The following PUDP variants were observed in gnomAD, a reference collection of about 807,000 sequenced individuals.
PUDP encodes pseudouridine-5'-phosphatase.
In PUDP, 8 loss-of-function variants were observed where a neutral mutation model predicts 9.4. The observed-to-expected ratio is 0.85, with a 90% CI of 0.50 to 1.53. The LOEUF (loss-of-function observed/expected upper bound fraction) is 1.53, where lower values mean the gene tolerates loss of function less well. Among genes scored for constraint, PUDP ranks in the 40% most tolerant of loss-of-function variants. PUDP has a pLI of 0.00. For synonymous variants in PUDP, 99 were observed against 80.7 expected (o/e 1.23, Z -1.22); for missense variants, 188 against 189.7 (o/e 0.99, Z 0.05).
chrX:6,984,993 T>C (rs866266425), intron 1 of PUDP, among the ~76,000 whole-genome samples: 3 of 112,126 alleles, frequency 2.7e-5, no homozygotes, highest in South Asian at 3.7e-4. Context: ...AGTTTTATTA[T>C]GGAAAAGTGC....
chrX:7,122,464 A>G (rs1932370530), intron 1 of PUDP, among the ~76,000 whole-genome samples: 1 of 111,507 alleles, frequency 9.0e-6, no homozygotes, highest in Admixed American at 9.6e-5. Context: ...CGCTTTTCCT[A>G]CATGGATTTT....
At chrX:7,114,696 T>C (rs1932148605) in intron 1 of PUDP, among the ~76,000 whole-genome samples, 2 of 111,936 alleles carry the variant, frequency 1.8e-5, no homozygotes, top group Non-Finnish European at 3.8e-5. Flanking sequence ...TGTGCTCAAG[T>C]GGAGGGCCAC....
At chrX:7,019,531 G>A (rs1220949056) in intron 1 of PUDP, among the ~76,000 whole-genome samples, 1 of 111,539 alleles carries the variant, frequency 9.0e-6, no homozygotes, top group African/African-American at 3.3e-5. Context: ...TGGACAGAGA[G>A]TCTGACATCT....
chrX:6,751,311 G>A (rs1018020171), intron 3 of PUDP, among the ~76,000 whole-genome samples: 9 of 111,796 alleles, frequency 8.1e-5, no homozygotes, highest in Non-Finnish European at 1.5e-4. Flanking sequence ...CAATTCTGGT[G>A]CCCTTCATCA....
At chrX:7,134,540 C>T (rs533267553) in intron 1 of PUDP, among the ~76,000 whole-genome samples, 3 of 112,159 alleles carry the variant, frequency 2.7e-5, no homozygotes, top group South Asian at 7.3e-4. Context: ...GAGCTTGTCA[C>T]GTAAGCACAC....
At chrX:6,958,513 T>A (rs1309844965) in intron 3 of PUDP, among the ~76,000 whole-genome samples, 1 of 111,250 alleles carries the variant, frequency 9.0e-6, no homozygotes, top group Non-Finnish European at 1.9e-5. Flanking sequence ...GGGAGGAAAG[T>A]CTTTGAAGAG....
At chrX:6,758,724 A>G (rs918962960) in intron 3 of PUDP, among the ~76,000 whole-genome samples, 4 of 111,163 alleles carry the variant, frequency 3.6e-5, no homozygotes, top group African/African-American at 1.3e-4. Context: ...CTCAGAACCA[A>G]CTGGCTCTGA....
At chrX:6,752,220 C>T (rs996030083) in intron 3 of PUDP, among the ~76,000 whole-genome samples, 11 of 111,729 alleles carry the variant, frequency 9.8e-5, no homozygotes, top group African/African-American at 3.6e-4. Context: ...AAACTTCACT[C>T]GATTGCTTCT....
intron 3 of PUDP, among the ~76,000 whole-genome samples, chrX:6,884,940 C>T (rs1042153653): frequency 9.8e-5 from 11 of 111,855 alleles, no homozygotes; most frequent in African/African-American, 2.9e-4. Flanking sequence ...ACTGAGATGG[C>T]ATTAAGTGAG....
intron 2 of PUDP, among the ~76,000 whole-genome samples, chrX:7,094,886 T>C (rs1931529807): frequency 9.0e-6 from 1 of 111,713 alleles, no homozygotes. Flanking sequence ...AATTGTGCTG[T>C]TATCCAAGGA....
At chrX:6,806,405 T>C (rs1879217218) in intron 3 of PUDP, among the ~76,000 whole-genome samples, 1 of 111,785 alleles carries the variant, frequency 8.9e-6, no homozygotes, top group Non-Finnish European at 1.9e-5. Context: ...TAGCACACCA[T>C]AGTCTTGAAC....
intron 3 of PUDP, among the ~76,000 whole-genome samples, chrX:7,065,193 G>C (rs925257766): frequency 4.5e-5 from 5 of 111,350 alleles, no homozygotes; most frequent in Non-Finnish European, 9.4e-5. Context: ...AAACAAACTC[G>C]GGCTTCTCAT....
intron 1 of PUDP, among the ~76,000 whole-genome samples, chrX:6,708,452 G>C (rs1024576753): frequency 1.8e-5 from 2 of 111,790 alleles, no homozygotes; most frequent in Admixed American, 9.5e-5. Context: ...ATGCTGAGGA[G>C]ATTAATGAGA....
intron 3 of PUDP, among the ~76,000 whole-genome samples, chrX:6,791,890 A>C (rs5989498): frequency 0.21 from 23,731 of 111,422 alleles, 1,869 homozygotes; most frequent in East Asian, 0.28. Context: ...TGTTTAGTGG[A>C]CAATTTTTTC....
intron 1 of PUDP, among the ~76,000 whole-genome samples, chrX:7,027,326 A>T (rs1243879196): frequency 2.7e-5 from 3 of 110,896 alleles, no homozygotes; most frequent in African/African-American, 9.9e-5. Context: ...GCTGCCTGCT[A>T]ACAACCGAAT....
chrX:6,828,155 G>A (rs757607442), intron 3 of PUDP, among the ~76,000 whole-genome samples: 1 of 111,599 alleles, frequency 9.0e-6, no homozygotes, highest in Non-Finnish European at 1.9e-5. Flanking sequence ...ACATATTCGT[G>A]TATATCTGTG....
intron 3 of PUDP, among the ~76,000 whole-genome samples, chrX:6,924,180 G>T (rs1336129193): frequency 9.0e-6 from 1 of 111,480 alleles, no homozygotes; most frequent in Non-Finnish European, 1.9e-5. Flanking sequence ...TATCTAACAT[G>T]CTGTATCTTC....
intron 1 of PUDP, among the ~76,000 whole-genome samples, chrX:7,038,877 C>T (rs1164186971): frequency 8.9e-6 from 1 of 111,998 alleles, no homozygotes; most frequent in African/African-American, 3.2e-5. Flanking sequence ...TCCTTCATTT[C>T]ATTCATTCAC....
chrX:7,028,439 GC>G (rs747317855), intron 1 of PUDP, among the ~76,000 whole-genome samples: 3 of 111,432 alleles, frequency 2.7e-5, no homozygotes, highest in Non-Finnish European at 5.6e-5. Context: ...GATCACTAAA[GC>G]TGGCATGAGA....
Sources: gnomAD v4.1 joint callset for allele counts (sites outside exome capture counted in the v4.1 genomes callset) on GRCh38, gnomAD v4.1.1 for gene constraint, MANE v1.5 for transcripts, NCBI Gene and HGNC (gene_info 2026-07-23, HGNC 2026-07-21) for gene names.